TLE1: variants seen among roughly 807,000 people sequenced by gnomAD.
TLE1 encodes transducin-like enhancer protein 1.
TLE1 carries 21 observed loss-of-function variants against 89.8 expected under a neutral mutation model. The ratio of observed to expected loss-of-function variants is 0.23; its 90% CI spans 0.17 to 0.34. The LOEUF is 0.34. Ranked by LOEUF, TLE1 falls within the 10% of genes least tolerant of loss-of-function variation. The pLI is 1.00. For missense variants in TLE1, 795 were observed against 1,031.2 expected, an observed-to-expected ratio of 0.77 and a Z score of 3.14; for synonymous variants, 447 against 407.6, an observed-to-expected ratio of 1.10 and a Z score of -1.16.
At chr9:81,645,097 C>T (rs118032064) in intron 6 of TLE1, among the ~76,000 whole-genome samples, 4,989 of 148,172 alleles carry the variant, frequency 0.034, 121 homozygotes, top group Non-Finnish European at 0.048. Context: ...CAGTGCCTCA[C>T]GTCAGTAATC....
intron 8 of TLE1, among the ~76,000 whole-genome samples, chr9:81,626,021 T>C (rs1189700418): frequency 6.6e-6 from 1 of 150,940 alleles, no homozygotes; most frequent in Non-Finnish European, 1.5e-5. Context: ...AAGCAACTTC[T>C]CTGCCAACAA....
chr9:81,682,355 G>A (rs1833740529), intron 4 of TLE1, among the ~76,000 whole-genome samples: 1 of 151,936 alleles, frequency 6.6e-6, no homozygotes, highest in African/African-American at 2.4e-5. Flanking sequence ...CCCAGACTCT[G>A]AACACGTGCA....
At chr9:81,598,352 G>A (rs546137361) in intron 14 of TLE1, among the ~76,000 whole-genome samples, 3 of 152,124 alleles carry the variant, frequency 2.0e-5, no homozygotes, top group East Asian at 3.9e-4. Context: ...CCAAGTACAC[G>A]CCGCTTCCTC....
At position 81,587,914 on chromosome 9, in the gene TLE1, G is replaced by GTGTGTGTGTGTGTGTCATCCCGCC. The variant is rs1554716630; in HGVS notation, c.1830-87_1830-86insGGCGGGATGACACACACACACACA. 9.8e-4 allele frequency: 850 copies of GTGTGTGTGTGTGTGTCATCCCGCC among 868,360 alleles called. 22 individuals carry two copies. Among genetic ancestry groups the GTGTGTGTGTGTGTGTCATCCCGCC allele is most frequent in the Middle Eastern group, 3.1e-3 (12 of 3,930 alleles). 53.8% of individuals were successfully genotyped at this position (868,360 alleles called of 1,614,324 possible). ...GTGTTGTTAGTTTTGGACCGTGTGT[G>GTGTGTGTGTGTGTGTCATCCCGCC]TGTGTGTGTGTGTGTGTGTGTGTGT... On this transcript the variant is annotated intron_variant, in intron 16 of 19. Transcript: ENST00000376499.
At chr9:81,589,790 G>A (rs567324581) in intron 16 of TLE1, among the ~76,000 whole-genome samples, 1 of 152,294 alleles carries the variant, frequency 6.6e-6, no homozygotes, top group East Asian at 1.9e-4. Context: ...ACTTTTGCTA[G>A]GATAAAAGGT....
chr9:81,632,429 C>A (rs1020797181), intron 8 of TLE1, among the ~76,000 whole-genome samples: 3 of 149,512 alleles, frequency 2.0e-5, no homozygotes, highest in Admixed American at 6.7e-5. Flanking sequence ...ATCTTCCCCC[C>A]AAAACTTATA....
At chr9:81,625,091 C>T (rs568871437) in intron 8 of TLE1, among the ~76,000 whole-genome samples, 1 of 152,006 alleles carries the variant, frequency 6.6e-6, no homozygotes, top group Non-Finnish European at 1.5e-5. Flanking sequence ...ACTGGCATAA[C>T]TTTTATATAG....
At chr9:81,605,017 G>C (rs911800826) in intron 14 of TLE1, among the ~76,000 whole-genome samples, 1 of 152,158 alleles carries the variant, frequency 6.6e-6, no homozygotes, top group Non-Finnish European at 1.5e-5. Context: ...CAAGGGCAGA[G>C]AAGGCTGAGA....
intron 4 of TLE1, among the ~76,000 whole-genome samples, chr9:81,683,776 T>C (rs1451769454): frequency 6.6e-6 from 1 of 152,158 alleles, no homozygotes; most frequent in Non-Finnish European, 1.5e-5. Flanking sequence ...ATACACAGCA[T>C]ATTATTAATG....
At chr9:81,585,684 T>G (rs56028327) in intron 17 of TLE1, 29 bp from the exon 18 acceptor site, 111,488 of 1,609,608 alleles carry the variant, frequency 0.069, 4,291 homozygotes, top group Middle Eastern at 0.12. Flanking sequence ...GCTCACTCAT[T>G]ATTCCGCCTG....
intron 4 of TLE1, among the ~76,000 whole-genome samples, chr9:81,681,498 C>T (rs1300068473): frequency 6.6e-6 from 1 of 151,158 alleles, no homozygotes; most frequent in East Asian, 2.0e-4. Flanking sequence ...TGCAGTGAGC[C>T]GAGACTGTGC....
intron 14 of TLE1, among the ~76,000 whole-genome samples, chr9:81,609,663 T>C (rs114637637): frequency 4.5e-4 from 68 of 152,324 alleles, no homozygotes; most frequent in African/African-American, 1.5e-3. Flanking sequence ...TTTATAATTC[T>C]AGATCTCTTG....
At position 81,652,230 on chromosome 9, in the gene TLE1, A is replaced by G. The variant is rs1829650337; in HGVS notation, c.356T>C (p.Leu119Ser). The G allele has an allele frequency of 6.2e-7, 1 of 1,613,898 alleles. No individual in the cohort carries two copies. The highest frequency in any genetic ancestry group is 8.5e-7 in the Non-Finnish European group (1 of 1,180,008). Residue 119 changes from leucine (L) to serine (S), a missense_variant, in exon 6 of 20, where the codon TTG (leucine) becomes TCG (serine). Physicochemically the swap from Leu to Ser is moderately radical, Grantham distance 145. Transcript: ENST00000376499. ...ERAKQVTMAE[L>S]NAIIGQQQLQ... The stretch of plus-strand genomic sequence containing the variant: ...GCCACGTACCCCGATGATGGCATTC[A>G]ATTCTGCCATGGTCACCTGTTTGGC...
intron 4 of TLE1, among the ~76,000 whole-genome samples, chr9:81,664,909 C>T (rs978731357): frequency 2.0e-5 from 3 of 152,184 alleles, no homozygotes; most frequent in African/African-American, 4.8e-5. Context: ...GACCCTGAGG[C>T]TCTTGGACTG....
At chr9:81,658,282 C>A (rs1235759301) in intron 4 of TLE1, among the ~76,000 whole-genome samples, 2 of 151,984 alleles carry the variant, frequency 1.3e-5, no homozygotes, top group African/African-American at 4.8e-5. Flanking sequence ...AGATGCAGAA[C>A]CCACAGATAC....
intron 4 of TLE1, among the ~76,000 whole-genome samples, chr9:81,674,685 G>C (rs552664139): frequency 1.9e-4 from 29 of 152,308 alleles, no homozygotes; most frequent in Non-Finnish European, 2.8e-4. Flanking sequence ...AAGAGAGGAG[G>C]ACTTTGTAAG....
intron 16 of TLE1, among the ~76,000 whole-genome samples, chr9:81,589,054 C>G (rs540854022): frequency 2.0e-5 from 3 of 152,192 alleles, no homozygotes; most frequent in Non-Finnish European, 4.4e-5. Context: ...GTTGAGTCCT[C>G]TCTCCTGCGG....
chr9:81,638,385 G>A (rs1827677612), intron 6 of TLE1, among the ~76,000 whole-genome samples: 1 of 152,182 alleles, frequency 6.6e-6, no homozygotes, highest in East Asian at 1.9e-4. Context: ...TTATTTAAAT[G>A]AGTAGAGGGT....
intron 16 of TLE1, among the ~76,000 whole-genome samples, chr9:81,590,198 C>T (rs1829277613): frequency 6.6e-6 from 1 of 152,168 alleles, no homozygotes; most frequent in Non-Finnish European, 1.5e-5. Flanking sequence ...GAGCATTTGG[C>T]GGGGGAGCTG....
Sources: gnomAD v4.1 joint callset for allele counts (sites outside exome capture counted in the v4.1 genomes callset) on GRCh38, gnomAD v4.1.1 for gene constraint, MANE v1.5 for transcripts, NCBI Gene and HGNC (gene_info 2026-07-23, HGNC 2026-07-21) for gene names.